Variants in CABIN1 observed in about 807,000 individuals in gnomAD.
CABIN1 encodes calcineurin-binding protein cabin-1.
In CABIN1, 133 loss-of-function variants were observed where a neutral mutation model predicts 227.7. The ratio of observed to expected loss-of-function variants is 0.58; its 90% CI spans 0.51 to 0.67. The LOEUF is 0.67. CABIN1 is among the 30% of genes least tolerant of loss of function. The pLI, the probability that CABIN1 is intolerant of heterozygous loss-of-function variation, is 0.00. For missense variants in CABIN1, 2,408 were observed against 2,852.5 expected, an observed-to-expected ratio of 0.84 and a Z score of 3.55; for synonymous variants, 1,086 against 1,155.1, an observed-to-expected ratio of 0.94 and a Z score of 1.21.
intron 3 of CABIN1, among the ~76,000 whole-genome samples, chr22:24,037,535 C>T (rs1040514406): frequency 1.2e-4 from 18 of 152,024 alleles, no homozygotes; most frequent in African/African-American, 4.1e-4. Flanking sequence ...ATGAACTCCT[C>T]GGTTCACACC....
At chr22:24,074,842 A>G (rs1295719796) in intron 18 of CABIN1, among the ~76,000 whole-genome samples, 2 of 152,228 alleles carry the variant, frequency 1.3e-5, no homozygotes, top group Non-Finnish European at 1.5e-5. Flanking sequence ...AAAGTCATAA[A>G]TGCAAACAGC....
chr22:24,171,608 G>T (rs2046815864), intron 33 of CABIN1, 105 bp from the exon 34 acceptor site: 1 of 1,357,934 alleles, frequency 7.4e-7, no homozygotes, highest in African/African-American at 1.4e-5. Context: ...GCAGCCCCAG[G>T]CGCACAGGAT....
chr22:24,170,103 C>T (rs932138935), intron 33 of CABIN1: 1 of 456,098 alleles, frequency 2.2e-6, no homozygotes. Flanking sequence ...CCTAATGACC[C>T]TCAGACCTAC....
chr22:24,029,302 C>T (rs1221570447), intron 1 of CABIN1, among the ~76,000 whole-genome samples: 5 of 152,178 alleles, frequency 3.3e-5, no homozygotes, highest in African/African-American at 7.2e-5. Flanking sequence ...TGCAGTGAGC[C>T]TCAAGCCAAG....
Position 24,084,735 on chromosome 22 carries a change from G to A in CABIN1, c.3067G>A (p.Ala1023Thr). The A allele has an allele frequency of 6.2e-7, 1 of 1,614,234 alleles. No homozygotes were observed. Among genetic ancestry groups the A allele is most frequent in the Non-Finnish European group, 8.5e-7 (1 of 1,180,042 alleles). ...ATIVPRTERP[A>T]LSLDKVSAYI... ...CATTGTGCCTCGCACAGAGAGGCCAGCCCTTAGCCTGGACAAAGTCTCTGC... is the reference window on the plus strand; with the variant it reads ...CATTGTGCCTCGCACAGAGAGGCCAACCCTTAGCCTGGACAAAGTCTCTGC... The change falls in exon 21 of 37, where the codon GCC becomes ACC. Residue 1023 changes from alanine to threonine, a missense_variant. Ala to Thr is a moderately conservative substitution (Grantham distance 58). This residue lies in a region of CABIN1 where 649 missense variants were observed against 910.3 expected (regional missense o/e 0.71). Coordinates refer to ENST00000263119, the MANE Select transcript of CABIN1 (RefSeq NM_012295.4).
At chr22:24,027,630 A>G (rs1299987478) in intron 1 of CABIN1, among the ~76,000 whole-genome samples, 1 of 152,234 alleles carries the variant, frequency 6.6e-6, no homozygotes, top group Non-Finnish European at 1.5e-5. Context: ...TTATGAGTGG[A>G]TTAATGTTGT....
At chr22:24,048,329 G>C (rs992955399) in intron 6 of CABIN1, among the ~76,000 whole-genome samples, 2 of 152,244 alleles carry the variant, frequency 1.3e-5, no homozygotes, top group Middle Eastern at 6.8e-3. Flanking sequence ...CACACTCCTT[G>C]ACCATCTATG....
intron 10 of CABIN1, chr22:24,056,671 C>T (rs2146301933): frequency 2.7e-6 from 1 of 373,504 alleles, no homozygotes; most frequent in East Asian, 5.7e-5. Context: ...CAGAGGGGTG[C>T]TGTGCCTTGG....
intron 1 of CABIN1, among the ~76,000 whole-genome samples, chr22:24,019,186 A>AGT (rs1005585940): frequency 1.3e-4 from 16 of 119,138 alleles, no homozygotes; most frequent in African/African-American, 5.3e-4. Context: ...GCTGGAGTGC[A>AGT]GTGGGGCAAT....
At chr22:24,105,576 A>C (rs893022243) in intron 26 of CABIN1, among the ~76,000 whole-genome samples, 13 of 152,246 alleles carry the variant, frequency 8.5e-5, no homozygotes, top group African/African-American at 3.1e-4. Context: ...CCTGAGTCTC[A>C]AGGCTAGATA....
chr22:24,068,652 CT>C (rs1198596152), intron 16 of CABIN1, among the ~76,000 whole-genome samples: 1 of 151,974 alleles, frequency 6.6e-6, no homozygotes, highest in Non-Finnish European at 1.5e-5. Context: ...ATTTGGAGTG[CT>C]TTTTTTTGTA....
At chr22:24,115,653 A>G (rs1443534725) in intron 27 of CABIN1, among the ~76,000 whole-genome samples, 1 of 152,156 alleles carries the variant, frequency 6.6e-6, no homozygotes, top group Non-Finnish European at 1.5e-5. Flanking sequence ...GGTCTCTAAC[A>G]CGCACTCCCC....
intron 29 of CABIN1, among the ~76,000 whole-genome samples, chr22:24,148,032 C>A (rs764540638): frequency 1.4e-4 from 21 of 152,168 alleles, no homozygotes; most frequent in Non-Finnish European, 2.5e-4. Flanking sequence ...CAGGACCTGG[C>A]AGGGGCAGGG....
Position 24,177,771 on chromosome 22 carries a change from T to C in CABIN1, c.6473T>C (p.Leu2158Pro), listed in dbSNP as rs763488042. The change falls in exon 36 of 37, where the codon CTC becomes CCC. Residue 2158 changes from leucine (L) to proline (P), a missense_variant. By Grantham distance (98) the Leu-to-Pro change is moderately conservative (BLOSUM62 -3). Around this residue, in one of 3 missense-constraint regions of CABIN1, gnomAD observed 714 missense variants for 773.8 expected, o/e 0.92. Coordinates refer to ENST00000263119, the MANE Select transcript of CABIN1 (RefSeq NM_012295.4). This position sits in a 1 kb window ranked among gnomAD's most constrained non-coding sequence, Gnocchi z 4.4. Reference protein sequence around the residue: ...ITVTPPTPTLLSPKGSISEET... With the variant: ...ITVTPPTPTLPSPKGSISEET... Reference sequence around the variant, plus strand: ...GTCACGCCACCCACCCCAACCCTGCTCTCCCCCAAAGGCAGCATCTCGGAG... The same window carrying C: ...GTCACGCCACCCACCCCAACCCTGCCCTCCCCCAAAGGCAGCATCTCGGAG... The C allele has an allele frequency of 4.4e-6, 7 of 1,608,334 alleles. No homozygotes were observed. In the African/African-American group the frequency reaches 6.7e-5, roughly 15 times the overall value.
chr22:24,168,756 CT>C (rs2046610824), intron 33 of CABIN1, among the ~76,000 whole-genome samples: 2 of 152,222 alleles, frequency 1.3e-5, no homozygotes, highest in Admixed American at 6.5e-5. Flanking sequence ...CCTCAGCCAC[CT>C]TTTCTGTAAC....
intron 32 of CABIN1, 103 bp from the exon 33 acceptor site, chr22:24,168,344 A>G: frequency 8.6e-7 from 1 of 1,160,050 alleles, no homozygotes; most frequent in Non-Finnish European, 1.3e-6. Context: ...GCCACAGGGC[A>G]TGCCCCCTAC....
chr22:24,071,532 C>T (rs1030247001), intron 17 of CABIN1, among the ~76,000 whole-genome samples: 1 of 152,126 alleles, frequency 6.6e-6, no homozygotes, highest in African/African-American at 2.4e-5. Flanking sequence ...ATCAGCAAGT[C>T]CTGCCAAATC....
intron 26 of CABIN1, among the ~76,000 whole-genome samples, chr22:24,108,688 G>A (rs2042647058): frequency 6.6e-6 from 1 of 152,200 alleles, no homozygotes; most frequent in African/African-American, 2.4e-5. Context: ...CCAAACCCTG[G>A]TATATGATGA....
chr22:24,012,052 TAG>T (rs1262885634), intron 1 of CABIN1, among the ~76,000 whole-genome samples: 1 of 152,236 alleles, frequency 6.6e-6, no homozygotes, highest in African/African-American at 2.4e-5. Context: ...AGAATATGCT[TAG>T]AACAGTCTCG....
Sources: gnomAD v4.1 joint callset for allele counts (sites outside exome capture counted in the v4.1 genomes callset) on GRCh38, gnomAD v4.1.1 for gene constraint, gnomAD v4.1.1 regional missense constraint, Gnocchi (gnomAD v3.1) non-coding constraint, MANE v1.5 for transcripts, NCBI Gene and HGNC (gene_info 2026-07-23, HGNC 2026-07-21) for gene names.